AK8: variants seen among roughly 807,000 people sequenced by gnomAD.
AK8 encodes adenylate kinase 8, also known as ATP-AMP transphosphorylase 8.
In AK8, 44 loss-of-function variants were observed where a neutral mutation model predicts 54.6. That is an observed-to-expected ratio of 0.81 (90% CI 0.63 to 1.04). The LOEUF is 1.04. AK8 is among the 50% of genes least tolerant of loss of function. The pLI is 0.00. For synonymous variants in AK8, 239 were observed against 245.6 expected, an observed-to-expected ratio of 0.97 and a Z score of 0.25; for missense variants, 555 against 613.6, an observed-to-expected ratio of 0.90 and a Z score of 1.01.
chr9:132,838,464 G>C (rs1396480682), intron 5 of AK8, among the ~76,000 whole-genome samples: 6 of 152,182 alleles, frequency 3.9e-5, no homozygotes, highest in Non-Finnish European at 7.3e-5. Context: ...CACTTTTGGG[G>C]CTGGGGGCCT....
Position 132,875,148 on chromosome 9 carries a change from T to G in AK8, c.136A>C (p.Met46Leu), listed in dbSNP as rs146105738. Residue 46 changes from methionine (M) to leucine (L), a missense_variant, in exon 2 of 13, where the codon ATG becomes CTG. By Grantham distance (15) the Met-to-Leu change is conservative. Coordinates refer to ENST00000298545, the MANE Select transcript of AK8 (RefSeq NM_152572.3). ...IHQPEDPIPF[M>L]IQHLHRDNDN... Reference sequence around the variant, plus strand: ...TTGTCTCTATGCAAGTGCTGGATCATGAAGGGGATGGGATCTTCGGGCTGG... The same window carrying G: ...TTGTCTCTATGCAAGTGCTGGATCAGGAAGGGGATGGGATCTTCGGGCTGG... The G allele has an allele frequency of 1.2e-6, 2 of 1,614,022 alleles. No homozygotes were observed. The highest frequency in any genetic ancestry group is 2.7e-5 in the African/African-American group (2 of 74,904).
intron 2 of AK8, among the ~76,000 whole-genome samples, chr9:132,868,455 A>G (rs1843685167): frequency 6.6e-6 from 1 of 151,914 alleles, no homozygotes; most frequent in Admixed American, 6.6e-5. Flanking sequence ...CTGCCTTGCC[A>G]CCTGTCATTT....
chr9:132,760,535 A>G (rs1436045791), intron 11 of AK8, among the ~76,000 whole-genome samples: 2 of 152,232 alleles, frequency 1.3e-5, no homozygotes, highest in African/African-American at 4.8e-5. Flanking sequence ...ACACCTGCCA[A>G]TAATGACTTT....
At chr9:132,764,336 C>CA (rs1838625374) in intron 11 of AK8, among the ~76,000 whole-genome samples, 1 of 151,102 alleles carries the variant, frequency 6.6e-6, no homozygotes, top group African/African-American at 2.4e-5. Context: ...AAACAAAAAA[C>CA]AAAAAAACAA....
At chr9:132,859,670 G>A (rs1158104136) in intron 4 of AK8, among the ~76,000 whole-genome samples, 4 of 137,980 alleles carry the variant, frequency 2.9e-5, no homozygotes, top group Admixed American at 1.5e-4. Context: ...TCCTCGACCC[G>A]GGTCTTCCTC....
intron 10 of AK8, among the ~76,000 whole-genome samples, chr9:132,793,970 C>G (rs913127418): frequency 3.3e-5 from 5 of 152,184 alleles, no homozygotes; most frequent in African/African-American, 1.2e-4. Flanking sequence ...AAACCTTCCA[C>G]AGGGCCCCCC....
In AK8 at chr9:132,826,642, T is replaced by C. The variant is rs1391014399; in HGVS notation, c.757+212A>G. 6.6e-6 allele frequency among the ~76,000 whole-genome samples: 1 copy of C among 150,994 alleles called. No homozygotes were observed. Among genetic ancestry groups the C allele is most frequent in the Non-Finnish European group, 1.5e-5 (1 of 67,770 alleles). On this transcript the variant is annotated intron_variant, in intron 8 of 12. Coordinates refer to ENST00000298545, the MANE Select transcript of AK8 (RefSeq NM_152572.3). The surrounding 1 kb of genome is among the most constrained non-coding windows in gnomAD (Gnocchi z 4.5). Reference sequence around the variant, plus strand: ...TGTGACCACATCTGAGTGTGGGACATTAGCCCAGGGTCTCCAAGTGGGGTA... The same window carrying C: ...TGTGACCACATCTGAGTGTGGGACACTAGCCCAGGGTCTCCAAGTGGGGTA...
intron 4 of AK8, among the ~76,000 whole-genome samples, chr9:132,856,194 T>C (rs2131389383): frequency 6.6e-6 from 1 of 152,300 alleles, no homozygotes; most frequent in East Asian, 1.9e-4. Flanking sequence ...ACATGGGAAG[T>C]AGAAATACAT....
At chr9:132,806,482 T>G (rs1840730802) in intron 10 of AK8, among the ~76,000 whole-genome samples, 1 of 152,038 alleles carries the variant, frequency 6.6e-6, no homozygotes, top group Admixed American at 6.6e-5. Context: ...AAAGGCTTGC[T>G]GGAAACGGGC....
At chr9:132,785,048 C>T (rs1438577141) in intron 11 of AK8, among the ~76,000 whole-genome samples, 1 of 151,402 alleles carries the variant, frequency 6.6e-6, no homozygotes, top group East Asian at 1.9e-4. Context: ...CCTGGCTCCC[C>T]CAAAATGGAG....
At chr9:132,782,523 C>G (rs1839521873) in intron 11 of AK8, among the ~76,000 whole-genome samples, 1 of 152,084 alleles carries the variant, frequency 6.6e-6, no homozygotes, top group East Asian at 1.9e-4. Flanking sequence ...AACCCCGTCT[C>G]TACTAAAAAT....
At chr9:132,864,564 G>T (rs568360093) in intron 3 of AK8, among the ~76,000 whole-genome samples, 1 of 152,302 alleles carries the variant, frequency 6.6e-6, no homozygotes, top group East Asian at 1.9e-4. Flanking sequence ...TGTGGGTGGT[G>T]AGAAACCTCA....
chr9:132,786,069 G>C (rs1839696824), intron 11 of AK8, among the ~76,000 whole-genome samples: 1 of 152,234 alleles, frequency 6.6e-6, no homozygotes, highest in African/African-American at 2.4e-5. Context: ...GAGGCAACGA[G>C]CTGAGGCGGC....
chr9:132,795,428 T>C (rs1840121226), intron 10 of AK8, among the ~76,000 whole-genome samples: 1 of 152,180 alleles, frequency 6.6e-6, no homozygotes, highest in Admixed American at 6.5e-5. Context: ...TGAAAGAATT[T>C]GGTCTGTCCT....
chr9:132,866,831 G>A lies in AK8; in HGVS notation c.219+73C>T, dbSNP rs928251192. On this transcript the variant is annotated intron_variant, in intron 3 of 12. Coordinates refer to ENST00000298545, the MANE Select transcript of AK8 (RefSeq NM_152572.3). Reference sequence around the variant, plus strand: ...TCAGTTATGCTACAAATTCACGGAGGTGCAGTCTCATTCCAGCTCTGGAGG... The same window carrying A: ...TCAGTTATGCTACAAATTCACGGAGATGCAGTCTCATTCCAGCTCTGGAGG... The A allele has an allele frequency of 3.9e-5, 54 of 1,369,914 alleles. No homozygotes were observed. The East Asian group carries it at 4.6e-4, about 12-fold the overall frequency. The allele number at this position is 1,369,914 out of a possible 1,614,324, so 84.9% of individuals were successfully genotyped here.
At chr9:132,748,653 A>G (rs1163748932) in intron 11 of AK8, among the ~76,000 whole-genome samples, 1 of 151,936 alleles carries the variant, frequency 6.6e-6, no homozygotes, top group Non-Finnish European at 1.5e-5. Context: ...CACAGCTTTT[A>G]CCACGTGTGT....
At chr9:132,746,780 A>C (rs1590187975) in intron 11 of AK8, among the ~76,000 whole-genome samples, 6 of 152,194 alleles carry the variant, frequency 3.9e-5, no homozygotes, top group Admixed American at 3.9e-4. Flanking sequence ...CCCGGGCCAC[A>C]CGTGAGGCGA....
intron 11 of AK8, among the ~76,000 whole-genome samples, chr9:132,764,917 T>C (rs1215794411): frequency 1.3e-5 from 2 of 152,138 alleles, no homozygotes; most frequent in Admixed American, 1.3e-4. Flanking sequence ...AAAAGAAAAC[T>C]ATAGGCCAAC....
In AK8 at chr9:132,770,415, T is replaced by A. The variant is rs992287937; in HGVS notation, c.1121+22219A>T. The stretch of plus-strand genomic sequence containing the variant: ...GGTTTGACTTTCATGGCTATGAATC[T>A]CGGAATGAATAAAGAGCCCAGAACG... On this transcript the variant is annotated intron_variant, in intron 11 of 12. Coordinates refer to ENST00000298545, the MANE Select transcript of AK8 (RefSeq NM_152572.3). This position sits in a 1 kb window ranked among gnomAD's most constrained non-coding sequence, Gnocchi z 4.3. Among the ~76,000 whole-genome samples the A allele has an allele frequency of 2.0e-5, 3 of 150,492 alleles. No homozygotes were observed. Among genetic ancestry groups the A allele is most frequent in the African/African-American group, 7.3e-5 (3 of 41,130 alleles).
Sources: gnomAD v4.1 joint callset for allele counts (sites outside exome capture counted in the v4.1 genomes callset) on GRCh38, gnomAD v4.1.1 for gene constraint, Gnocchi (gnomAD v3.1) non-coding constraint, MANE v1.5 for transcripts, NCBI Gene and HGNC (gene_info 2026-07-23, HGNC 2026-07-21) for gene names.